C12orf60: variants seen among roughly 807,000 people sequenced by gnomAD.
C12orf60 encodes the protein uncharacterized protein C12orf60.
For missense variants in C12orf60, 284 were observed against 283.2 expected (o/e 1.00, Z -0.02); for synonymous variants, 102 against 94.6 (o/e 1.08, Z -0.45).
intron 1 of C12orf60, among the ~76,000 whole-genome samples, chr12:14,814,622 T>A (rs140350068): frequency 3.3e-5 from 5 of 152,344 alleles, no homozygotes; most frequent in Non-Finnish European, 7.3e-5. Context: ...GTTACTTGCA[T>A]CCAATTTTTT....
chr12:14,819,131 A>T (rs1018293687), intron 1 of C12orf60, among the ~76,000 whole-genome samples: 2 of 152,168 alleles, frequency 1.3e-5, no homozygotes, highest in African/African-American at 4.8e-5. Flanking sequence ...TTGAGTTGAC[A>T]TCTTTGCTAT....
intron 1 of C12orf60, chr12:14,805,400 C>G (rs1232792444): frequency 6.6e-6 from 1 of 152,194 alleles, no homozygotes; most frequent in African/African-American, 2.4e-5. Flanking sequence ...TCAAATCCAT[C>G]CGGTTTACAT....
intron 1 of C12orf60, among the ~76,000 whole-genome samples, chr12:14,822,317 GACAACA>G (rs746917116): frequency 1.0e-4 from 15 of 149,836 alleles, no homozygotes; most frequent in South Asian, 2.1e-4. Flanking sequence ...GAAGACAAAC[GACAACA>G]ACAACAACAA....
chr12:14,814,851 CCA>C (rs1171240539), intron 1 of C12orf60, among the ~76,000 whole-genome samples: 2 of 152,150 alleles, frequency 1.3e-5, no homozygotes, highest in Non-Finnish European at 2.9e-5. Flanking sequence ...TCACTCAGCC[CCA>C]GTGTAACTTA....
chr12:14,809,393 T>TC (rs368450455), intron 1 of C12orf60, among the ~76,000 whole-genome samples: 5 of 151,900 alleles, frequency 3.3e-5, no homozygotes, highest in African/African-American at 1.2e-4. Context: ...AGAACTCTTC[T>TC]CCCCCCAGTA....
chr12:14,803,793 G>T (rs879798639), intron 1 of C12orf60, 42 bp downstream of exon 1: 3 of 296,500 alleles, frequency 1.0e-5, no homozygotes, highest in Non-Finnish European at 1.9e-5. Context: ...TGCAGATAAA[G>T]AAGCGTTCTG....
chr12:14,822,683 G>A (rs1950324862), intron 1 of C12orf60, among the ~76,000 whole-genome samples: 5 of 152,182 alleles, frequency 3.3e-5, no homozygotes, highest in Non-Finnish European at 7.3e-5. Flanking sequence ...CCAGCACCCA[G>A]TATTTGATAT....
At chr12:14,812,220 G>A (rs1185474267) in intron 1 of C12orf60, among the ~76,000 whole-genome samples, 3 of 152,168 alleles carry the variant, frequency 2.0e-5, no homozygotes, top group Admixed American at 2.0e-4. Context: ...CGAGGCGGGC[G>A]GATCACGAGG....
At chr12:14,805,960 AAAGG>A in intron 1 of C12orf60, 1 of 1,537,116 alleles carries the variant, frequency 6.5e-7, no homozygotes, top group South Asian at 1.3e-5. Context: ...CTGTTACTGA[AAAGG>A]AAGCAGAAAA....
At chr12:14,804,495 G>C (rs1256223714) in intron 1 of C12orf60, among the ~76,000 whole-genome samples, 2 of 152,118 alleles carry the variant, frequency 1.3e-5, no homozygotes, top group African/African-American at 4.8e-5. Context: ...GCCCTTGAAG[G>C]TATAAGATCG....
chr12:14,823,583 G>C lies in C12orf60; in HGVS notation c.648G>C (p.Lys216Asn). 3 of 1,613,478 alleles carry C rather than the reference G, an allele frequency of 1.9e-6. No individual in the cohort carries two copies. Among genetic ancestry groups the C allele is most frequent in the Non-Finnish European group, 2.5e-6 (3 of 1,179,822 alleles). Reference sequence around the variant, plus strand: ...CAGATTTGTTGGAACAAATTGTCAAGGCTATGGGACCAATCTTAGAGATCC... The same window carrying C: ...CAGATTTGTTGGAACAAATTGTCAACGCTATGGGACCAATCTTAGAGATCC... ...SAADLLEQIV[K>N]AMGPILEILQ... is the part of the protein sequence containing the mutation. The change falls in exon 2 of 2, where the codon AAG (lysine) becomes AAC (asparagine). Residue 216 changes from lysine to asparagine, a missense_variant. Coordinates refer to ENST00000330828, the MANE Select transcript of C12orf60 (RefSeq NM_175874.4).
intron 1 of C12orf60, among the ~76,000 whole-genome samples, chr12:14,811,608 C>T (rs987405744): frequency 6.6e-6 from 1 of 152,130 alleles, no homozygotes; most frequent in Non-Finnish European, 1.5e-5. Flanking sequence ...GAGAAGTCAA[C>T]ATTTAAGATT....
intron 1 of C12orf60, among the ~76,000 whole-genome samples, chr12:14,822,183 G>C (rs1950316943): frequency 6.8e-6 from 1 of 147,692 alleles, no homozygotes; most frequent in Non-Finnish European, 1.5e-5. Flanking sequence ...CTGCCCGGCA[G>C]AGCCCCTGCA....
At chr12:14,810,655 A>G (rs990345628) in intron 1 of C12orf60, among the ~76,000 whole-genome samples, 3 of 152,226 alleles carry the variant, frequency 2.0e-5, no homozygotes, top group African/African-American at 7.2e-5. Context: ...ACTTTAATAT[A>G]TAATATATTG....
intron 1 of C12orf60, among the ~76,000 whole-genome samples, chr12:14,812,739 T>C (rs1950160537): frequency 6.6e-6 from 1 of 151,988 alleles, no homozygotes; most frequent in Non-Finnish European, 1.5e-5. Flanking sequence ...GGATACTGGG[T>C]ATCCTGCTAT....
chr12:14,811,418 G>C (rs1218952958), intron 1 of C12orf60, among the ~76,000 whole-genome samples: 1 of 152,092 alleles, frequency 6.6e-6, no homozygotes, highest in African/African-American at 2.4e-5. Context: ...TTTGATGAGA[G>C]AGTTCTGTTG....
intron 1 of C12orf60, among the ~76,000 whole-genome samples, chr12:14,812,874 G>A (rs1263682857): frequency 6.6e-6 from 1 of 152,070 alleles, no homozygotes; most frequent in African/African-American, 2.4e-5. Flanking sequence ...GCATAGTGCT[G>A]GTATATTTCC....
At chr12:14,815,839 A>G (rs897371922) in intron 1 of C12orf60, among the ~76,000 whole-genome samples, 3 of 152,118 alleles carry the variant, frequency 2.0e-5, no homozygotes, top group Non-Finnish European at 4.4e-5. Context: ...TTTCTCTCCT[A>G]TTTCTACCCT....
intron 1 of C12orf60, among the ~76,000 whole-genome samples, chr12:14,813,535 A>G (rs1486781599): frequency 6.6e-6 from 1 of 152,268 alleles, no homozygotes; most frequent in Non-Finnish European, 1.5e-5. Flanking sequence ...GTCATTCATC[A>G]GCATTTATCA....
Sources: gnomAD v4.1 joint callset for allele counts (sites outside exome capture counted in the v4.1 genomes callset) on GRCh38, gnomAD v4.1.1 for gene constraint, MANE v1.5 for transcripts, NCBI Gene and HGNC (gene_info 2026-07-23, HGNC 2026-07-21) for gene names.